Variants in LTAP1 observed in about 807,000 individuals in gnomAD.
The protein encoded by LTAP1 is lipid transport auxiliary protein 1, also known as HCV NS5A-transactivated protein 4.
chr1:154,210,581 G>A, the LTAP1 span, among the ~76,000 whole-genome samples: 6 of 152,194 alleles, frequency 3.9e-5, no homozygotes, highest in East Asian at 5.8e-4. Flanking sequence ...AGGTTCAAGC[G>A]ATTCTCCTGC....
chr1:154,215,882 G>A, the LTAP1 span, among the ~76,000 whole-genome samples: 6 of 149,142 alleles, frequency 4.0e-5, no homozygotes, highest in Non-Finnish European at 8.9e-5. Context: ...CTGTCGCCCA[G>A]GCTGGAGTGC....
At chr1:154,218,122 G>C in the LTAP1 span, among the ~76,000 whole-genome samples, 2 of 152,116 alleles carry the variant, frequency 1.3e-5, no homozygotes, top group Non-Finnish European at 2.9e-5. Context: ...GTGGACATTT[G>C]AATTAAGTTT....
the LTAP1 span, among the ~76,000 whole-genome samples, chr1:154,218,868 C>A: frequency 6.6e-6 from 1 of 152,048 alleles, no homozygotes; most frequent in Non-Finnish European, 1.5e-5. Flanking sequence ...AATCAGGGTA[C>A]CATGTGAAAA....
chr1:154,216,774 A>G, the LTAP1 span, among the ~76,000 whole-genome samples: 23 of 151,708 alleles, frequency 1.5e-4, no homozygotes, highest in Non-Finnish European at 2.5e-4. Context: ...TGGGCCTCCC[A>G]AAGTGCTGGG....
At chr1:154,209,696 C>T in the LTAP1 span, among the ~76,000 whole-genome samples, 1 of 152,028 alleles carries the variant, frequency 6.6e-6, no homozygotes, top group South Asian at 2.1e-4. Flanking sequence ...ATGCCATTCT[C>T]CTGCCCCAGC....
the LTAP1 span, chr1:154,207,612 G>T: frequency 6.2e-7 from 1 of 1,612,404 alleles, no homozygotes; most frequent in South Asian, 1.1e-5. Context: ...CTGCTGACTG[G>T]TGATGTCGCT....
At chr1:154,220,022 T>C in the LTAP1 span, 15 of 1,153,794 alleles carry the variant, frequency 1.3e-5, no homozygotes, top group Non-Finnish European at 1.6e-5. Flanking sequence ...TCATTCCAAA[T>C]CCCCAGATTC....
At chr1:154,210,547 G>A in the LTAP1 span, among the ~76,000 whole-genome samples, 1 of 152,076 alleles carries the variant, frequency 6.6e-6, no homozygotes, top group African/African-American at 2.4e-5. Context: ...GCACGATCTT[G>A]GCTCACTGCA....
chr1:154,212,156 C>G, the LTAP1 span: 2 of 788,328 alleles, frequency 2.5e-6, no homozygotes, highest in South Asian at 3.0e-5. Flanking sequence ...TGTGCCCGGC[C>G]GCATCTGCTT....
At chr1:154,214,001 G>A in the LTAP1 span, 1 of 1,523,014 alleles carries the variant, frequency 6.6e-7, no homozygotes, top group African/African-American at 1.5e-5. Flanking sequence ...CCCCAGGCTG[G>A]GCGTGGTGGC....
chr1:154,219,792 A>G, the LTAP1 span: 2 of 1,395,726 alleles, frequency 1.4e-6, no homozygotes, highest in Non-Finnish European at 9.9e-7. Context: ...CTTGACCCTA[A>G]AAGATCTGGA....
the LTAP1 span, chr1:154,207,171 G>C: frequency 6.6e-6 from 2 of 300,814 alleles, no homozygotes; most frequent in South Asian, 9.3e-5. Context: ...AGATTTTTAA[G>C]AAGCTTTGAC....
the LTAP1 span, chr1:154,220,166 G>A: frequency 3.6e-6 from 3 of 840,100 alleles, no homozygotes; most frequent in Admixed American, 6.3e-5. Context: ...CTAGACTAAC[G>A]AGGGCGGGTC....
chr1:154,218,874 G>A, the LTAP1 span, among the ~76,000 whole-genome samples: 2 of 152,202 alleles, frequency 1.3e-5, no homozygotes, highest in Non-Finnish European at 2.9e-5. Flanking sequence ...GGTACCATGT[G>A]AAAATAAAGA....
chr1:154,216,344 T>A, the LTAP1 span, among the ~76,000 whole-genome samples: 1,517 of 35,300 alleles, frequency 0.043, 15 homozygotes, highest in Middle Eastern at 0.19. Context: ...AAAAAAATTT[T>A]TTTTTTTTGA....
the LTAP1 span, among the ~76,000 whole-genome samples, chr1:154,213,582 G>T: frequency 1.3e-5 from 2 of 152,204 alleles, no homozygotes; most frequent in Non-Finnish European, 2.9e-5. Flanking sequence ...TCTATCTTGG[G>T]CTTAGTGAAA....
chr1:154,215,519 T>C, the LTAP1 span, among the ~76,000 whole-genome samples: 1 of 150,918 alleles, frequency 6.6e-6, no homozygotes, highest in African/African-American at 2.4e-5. Flanking sequence ...TGAGCCGAGA[T>C]TGCGCCACTG....
At chr1:154,212,249 G>T in the LTAP1 span, 4 of 1,491,940 alleles carry the variant, frequency 2.7e-6, no homozygotes, top group African/African-American at 5.5e-5. Flanking sequence ...CTTTATGAAG[G>T]TCACTGCACT....
chr1:154,214,416 T>C, the LTAP1 span: 4 of 1,302,108 alleles, frequency 3.1e-6, no homozygotes, highest in African/African-American at 1.5e-5. Flanking sequence ...TCTGGACTTG[T>C]GGGACTCCTC....
Sources: gnomAD v4.1 joint callset for allele counts (sites outside exome capture counted in the v4.1 genomes callset) on GRCh38, gnomAD v4.1.1 for gene constraint, MANE v1.5 for transcripts, NCBI Gene and HGNC (gene_info 2026-07-23, HGNC 2026-07-21) for gene names.